The following TENM3 variants were observed in gnomAD, a reference collection of about 807,000 sequenced individuals.
TENM3 encodes the protein teneurin-3.
In TENM3, 63 loss-of-function variants were observed where a neutral mutation model predicts 255.1. The observed-to-expected ratio is 0.25, with a 90% confidence interval of 0.20 to 0.30. TENM3 has a LOEUF of 0.30. Ranked by LOEUF, TENM3 falls within the 10% of genes least tolerant of loss-of-function variation. The probability of loss-of-function intolerance (pLI) is 1.00; values close to 1 mark genes in which losing one functional copy is unlikely to be tolerated. For synonymous variants in TENM3, 1,306 were observed against 1,322.3 expected (o/e 0.99, Z 0.27); for missense variants, 2,929 against 3,461.1 (o/e 0.85, Z 3.86).
At chr4:181,548,883 C>A in the TENM3 span, among the ~76,000 whole-genome samples, 1 of 152,104 alleles carries the variant, frequency 6.6e-6, no homozygotes, top group South Asian at 2.1e-4. Context: ...GGCAAATATG[C>A]AAGTTAATGA....
intron 3 of TENM3, among the ~76,000 whole-genome samples, chr4:182,489,508 CAT>C (rs1735073270): frequency 6.6e-6 from 1 of 152,036 alleles, no homozygotes; most frequent in Non-Finnish European, 1.5e-5. Flanking sequence ...TGCCAAGTCA[CAT>C]AGTGGGCATG....
chr4:182,419,763 C>T (rs1420415103), intron 3 of TENM3, among the ~76,000 whole-genome samples: 2 of 151,616 alleles, frequency 1.3e-5, no homozygotes, highest in African/African-American at 2.4e-5. Flanking sequence ...AGCAAACTAT[C>T]GCAAGGACAG....
At chr4:181,738,457 GT>G in the TENM3 span, among the ~76,000 whole-genome samples, 1 of 152,108 alleles carries the variant, frequency 6.6e-6, no homozygotes, top group African/African-American at 2.4e-5. Flanking sequence ...TGTGCTTGTT[GT>G]TTTTGGGTTT....
the TENM3 span, among the ~76,000 whole-genome samples, chr4:181,524,174 T>C: frequency 1.3e-5 from 2 of 152,150 alleles, no homozygotes; most frequent in African/African-American, 4.8e-5. Flanking sequence ...TCCGTGGTTT[T>C]GGGGGTGGTG....
At chr4:182,241,514 C>CTTTATTTTT, upstream of TENM3, among the ~76,000 whole-genome samples, 1 of 102,636 alleles carries the variant, frequency 9.7e-6, no homozygotes, top group African/African-American at 5.1e-5. Context: ...TTTCTTTTTT[C>CTTTATTTTT]TTTCTTTTTT....
At chr4:182,504,272 T>C (rs1420093533) in intron 3 of TENM3, among the ~76,000 whole-genome samples, 4 of 152,134 alleles carry the variant, frequency 2.6e-5, no homozygotes, top group Admixed American at 2.6e-4. Context: ...CCTTCACTAT[T>C]ATTAAAGGCT....
the TENM3 span, among the ~76,000 whole-genome samples, chr4:181,558,360 G>T: frequency 8.2e-4 from 125 of 152,270 alleles, no homozygotes; most frequent in African/African-American, 2.8e-3. Flanking sequence ...ATTCCAAGAG[G>T]CTTGTAAAAC....
chr4:181,665,662 CATATT>C, the TENM3 span, among the ~76,000 whole-genome samples: 1 of 151,800 alleles, frequency 6.6e-6, no homozygotes. Context: ...CATATACAGA[CATATT>C]ATGTACACAT....
At chr4:182,085,330 A>G in the TENM3 span, among the ~76,000 whole-genome samples, 2 of 152,176 alleles carry the variant, frequency 1.3e-5, no homozygotes, top group African/African-American at 2.4e-5. Context: ...GGCTTCCTCA[A>G]CTTTTCACAC....
intron 13 of TENM3, among the ~76,000 whole-genome samples, chr4:182,725,185 A>T (rs1262072446): frequency 1.3e-5 from 2 of 151,904 alleles, no homozygotes; most frequent in Admixed American, 6.6e-5. Flanking sequence ...CTTCAGGTGC[A>T]CACCACCATA....
chr4:182,326,592 C>T (rs753689296), intron 2 of TENM3, among the ~76,000 whole-genome samples: 28 of 152,120 alleles, frequency 1.8e-4, no homozygotes, highest in South Asian at 4.1e-4. Context: ...CTGACTGCAG[C>T]GGGGCAGTCA....
At chr4:182,132,261 C>T in the TENM3 span, among the ~76,000 whole-genome samples, 394 of 151,964 alleles carry the variant, frequency 2.6e-3, 8 homozygotes, top group Non-Finnish European at 1.1e-3. Context: ...GGGTGGATCA[C>T]GAGGTCAGGA....
At chr4:181,677,389 G>T in the TENM3 span, among the ~76,000 whole-genome samples, 1 of 152,086 alleles carries the variant, frequency 6.6e-6, no homozygotes, top group African/African-American at 2.4e-5. Context: ...TCCAGAGAAT[G>T]GAATAGTCAT....
At chr4:181,733,251 T>TTAAG in the TENM3 span, among the ~76,000 whole-genome samples, 1 of 152,234 alleles carries the variant, frequency 6.6e-6, no homozygotes, top group African/African-American at 2.4e-5. Context: ...TAAACATACA[T>TTAAG]TAAGTCCAAT....
chr4:182,170,164 G>A (rs1284958712), intron 1 of TENM3, among the ~76,000 whole-genome samples: 3 of 151,778 alleles, frequency 2.0e-5, no homozygotes, highest in Non-Finnish European at 4.4e-5. Flanking sequence ...CTTTAAGATA[G>A]CATACATGTT....
At chr4:182,418,645 C>T (rs1296710742) in intron 3 of TENM3, among the ~76,000 whole-genome samples, 1 of 152,190 alleles carries the variant, frequency 6.6e-6, no homozygotes, top group African/African-American at 2.4e-5. Flanking sequence ...AAGGCAGCCT[C>T]GACCTCCCCG....
the TENM3 span, among the ~76,000 whole-genome samples, chr4:182,005,199 T>G: frequency 2.6e-5 from 4 of 152,244 alleles, no homozygotes; most frequent in East Asian, 7.7e-4. Flanking sequence ...TTTATGGTTT[T>G]GGGTTTTACA....
At position 182,799,745 on chromosome 4, in the gene TENM3, G is replaced by A; in HGVS notation, c.7494G>A (p.Lys2498=). The A allele has an allele frequency of 1.9e-6, 3 of 1,564,572 alleles. No homozygotes were observed. The highest frequency in any genetic ancestry group is 2.6e-6 in the Non-Finnish European group (3 of 1,155,822). Residue 2498 remains lysine (K), a synonymous_variant, in exon 28 of 28, where the codon AAG becomes AAA. Coordinates refer to ENST00000511685, the MANE Select transcript of TENM3 (RefSeq NM_001080477.4). The surrounding 1 kb of genome is among the most constrained non-coding windows in gnomAD (Gnocchi z 4.2). ...CCACGGTCAAGTCGCTGATCGGCAA[G>A]GGCGTCATGCTGGCCGTCAGCCAGG... is the stretch of plus-strand genomic sequence containing the variant. ...WFATVKSLIG[K]GVMLAVSQGR... is the part of the protein sequence containing the mutation.
chr4:182,582,064 T>C (rs1199836716), intron 3 of TENM3, among the ~76,000 whole-genome samples: 1 of 152,182 alleles, frequency 6.6e-6, no homozygotes, highest in African/African-American at 2.4e-5. Flanking sequence ...TGTTCCCCTA[T>C]TTAATATGCA....
Sources: gnomAD v4.1 joint callset for allele counts (sites outside exome capture counted in the v4.1 genomes callset) on GRCh38, gnomAD v4.1.1 for gene constraint, Gnocchi (gnomAD v3.1) non-coding constraint, MANE v1.5 for transcripts, NCBI Gene and HGNC (gene_info 2026-07-23, HGNC 2026-07-21) for gene names.